TBC1D8: variants seen among roughly 807,000 people sequenced by gnomAD.
The protein encoded by TBC1D8 is TBC1 domain family member 8.
A neutral mutation model predicts 118.8 loss-of-function variants in TBC1D8; 65 were observed. The observed-to-expected ratio is 0.55, with a 90% CI of 0.45 to 0.67. The LOEUF (loss-of-function observed/expected upper bound fraction) is 0.67. Among genes scored for constraint, TBC1D8 ranks in the 30% least tolerant of loss-of-function variants. The pLI is 0.00. For synonymous variants in TBC1D8, 566 were observed against 595.8 expected, an observed-to-expected ratio of 0.95 and a Z score of 0.73; for missense variants, 1,376 against 1,471.2, an observed-to-expected ratio of 0.94 and a Z score of 1.06.
chr2:101,134,195 TCTCACACACACA>T (rs61306846), intron 1 of TBC1D8, among the ~76,000 whole-genome samples: 4,356 of 62,664 alleles, frequency 0.07, 181 homozygotes, highest in African/African-American at 0.17. Flanking sequence ...TCTCTCTCTC[TCTCACACACACA>T]CACACACACA....
chr2:101,008,595 A>G (rs1323873540), intron 19 of TBC1D8, among the ~76,000 whole-genome samples: 2 of 152,104 alleles, frequency 1.3e-5, no homozygotes, highest in East Asian at 3.9e-4. Flanking sequence ...CAGGCGGATC[A>G]CCTGAGGTTG....
At chr2:101,128,156 G>A (rs886948371) in intron 1 of TBC1D8, among the ~76,000 whole-genome samples, 1 of 152,164 alleles carries the variant, frequency 6.6e-6, no homozygotes, top group African/African-American at 2.4e-5. Flanking sequence ...AGATGTAACT[G>A]AGAACATGTT....
chr2:101,008,739 G>A (rs1289477570), intron 19 of TBC1D8, among the ~76,000 whole-genome samples: 1 of 151,914 alleles, frequency 6.6e-6, no homozygotes, highest in Non-Finnish European at 1.5e-5. Flanking sequence ...TTAAACCCAG[G>A]AGGCAAAGGT....
At chr2:101,090,446 T>C (rs975079836) in intron 1 of TBC1D8, 82 bp from the exon 2 acceptor site, 1 of 1,462,472 alleles carries the variant, frequency 6.8e-7, no homozygotes, top group Non-Finnish European at 9.4e-7. Context: ...GTGGTCGCTG[T>C]CTGGACTCCA....
In TBC1D8 at chr2:101,040,275, C is replaced by G. The variant is rs760007379; in HGVS notation, c.983G>C (p.Arg328Pro). The G allele has an allele frequency of 6.2e-7, 1 of 1,614,018 alleles. No individual in the cohort carries two copies. The highest frequency in any genetic ancestry group is 8.5e-7 in the Non-Finnish European group (1 of 1,179,884). The change falls in exon 6 of 20, where the codon CGC becomes CCC. Residue 328 changes from arginine to proline, a missense_variant. Arg to Pro is a moderately radical substitution (Grantham distance 103). Coordinates refer to ENST00000409318, the MANE Select transcript of TBC1D8 (RefSeq NM_001330348.2). ...GAACATCCGCCCCGTGGTGTGACAG[C>G]GACTGAACGGCGTCCAGAGCGAACA... is the stretch of plus-strand genomic sequence containing the variant. ...VDCSLWTPFSRCHTTGRMFAS... is the reference protein window; with the variant it reads ...VDCSLWTPFSPCHTTGRMFAS...
chr2:101,053,262 C>G (rs1401738591), intron 4 of TBC1D8, among the ~76,000 whole-genome samples: 1 of 152,024 alleles, frequency 6.6e-6, no homozygotes, highest in Non-Finnish European at 1.5e-5. Context: ...GGAAGGTGGC[C>G]AAGGTTAGGT....
chr2:101,151,343 G>A lies in TBC1D8; in HGVS notation c.-90C>T. The A allele has an allele frequency of 9.3e-7, 1 of 1,071,600 alleles. No individual in the cohort carries two copies. Among genetic ancestry groups the A allele is most frequent in the South Asian group, 4.4e-5 (1 of 22,662 alleles). The allele number at this position is 1,071,600 out of a possible 1,614,324, so 66.4% of individuals were successfully genotyped here. A position where few individuals can be genotyped will look rare whatever the true frequency, so the allele number is the denominator to read the frequency against. The stretch of plus-strand genomic sequence containing the variant: ...CCGAGCCCGCTCGAGAGGCGACGGC[G>A]GCGCGCGGGGACCACAGCCCGGCCG... On this transcript the variant is annotated 5_prime_UTR_variant, in exon 1 of 20. Transcript: ENST00000409318.
At chr2:101,043,393 T>C (rs1017718561) in intron 5 of TBC1D8, among the ~76,000 whole-genome samples, 5 of 152,230 alleles carry the variant, frequency 3.3e-5, no homozygotes, top group Admixed American at 6.5e-5. Context: ...GTGCTGGCTA[T>C]GTTAGCTTTA....
At chr2:101,149,578 AG>A (rs1679463027) in intron 1 of TBC1D8, among the ~76,000 whole-genome samples, 2 of 152,200 alleles carry the variant, frequency 1.3e-5, no homozygotes, top group Non-Finnish European at 2.9e-5. Context: ...ACAAATCTTC[AG>A]GCCTTGTCCT....
chr2:101,149,068 G>C (rs1204181585), intron 1 of TBC1D8, among the ~76,000 whole-genome samples: 1 of 152,154 alleles, frequency 6.6e-6, no homozygotes, highest in East Asian at 1.9e-4. Context: ...GGCTGCACAT[G>C]TCATCCTTTT....
intron 1 of TBC1D8, among the ~76,000 whole-genome samples, chr2:101,133,394 T>C (rs1678686247): frequency 1.3e-5 from 2 of 152,120 alleles, no homozygotes; most frequent in African/African-American, 4.8e-5. Flanking sequence ...CCTCTCCCTC[T>C]CTCCTCTCTT....
At chr2:101,049,817 T>C (rs1472223294) in intron 5 of TBC1D8, among the ~76,000 whole-genome samples, 4 of 151,930 alleles carry the variant, frequency 2.6e-5, no homozygotes, top group Non-Finnish European at 5.9e-5. Context: ...ATTATGCAGC[T>C]GCCCATGCTA....
chr2:101,029,453 C>T (rs776520354), intron 12 of TBC1D8, 38 bp downstream of exon 12: 5 of 1,593,318 alleles, frequency 3.1e-6, no homozygotes, highest in Non-Finnish European at 4.3e-6. Flanking sequence ...GCTGCCTCCT[C>T]CATCTCTGGT....
At chr2:101,033,332 C>G in intron 10 of TBC1D8, 1 of 665,404 alleles carries the variant, frequency 1.5e-6, no homozygotes, top group East Asian at 2.9e-5. Flanking sequence ...CCAGGATGGT[C>G]TCGATCTCCT....
rs377378343 is a variant in TBC1D8, at chr2:101,007,891, T to C, written c.3398A>G (p.Asn1133Ser). Residue 1133 changes from asparagine to serine, a missense_variant, in exon 20 of 20, where the codon AAT becomes AGT. Asn to Ser is a conservative substitution (Grantham distance 46, BLOSUM62 1). Coordinates refer to ENST00000409318, the MANE Select transcript of TBC1D8 (RefSeq NM_001330348.2). Reference protein sequence around the residue: ...MKSKLENAKINQYNLKTFEMS... With the variant: ...MKSKLENAKISQYNLKTFEMS... Reference sequence around the variant, plus strand: ...TTCAAAAGTTTTGAGATTGTACTGATTGATCTTGGCATTTTCAAGTTTGGA... The same window carrying C: ...TTCAAAAGTTTTGAGATTGTACTGACTGATCTTGGCATTTTCAAGTTTGGA... 2.2e-5 allele frequency: 35 copies of C among 1,614,042 alleles called. No homozygotes were observed. Among genetic ancestry groups the C allele is most frequent in the South Asian group, 7.7e-5 (7 of 91,086 alleles).
chr2:101,101,172 G>A (rs1398154011), intron 1 of TBC1D8, among the ~76,000 whole-genome samples: 2 of 151,976 alleles, frequency 1.3e-5, no homozygotes, highest in Non-Finnish European at 2.9e-5. Context: ...ATATCCAGAA[G>A]TTACAAGGAA....
intron 5 of TBC1D8, among the ~76,000 whole-genome samples, chr2:101,042,384 A>G (rs887951620): frequency 1.3e-5 from 2 of 152,236 alleles, no homozygotes; most frequent in African/African-American, 4.8e-5. Flanking sequence ...CCTTATAAAT[A>G]TAAGGATGAA....
At chr2:101,112,152 G>A (rs1167888102) in intron 1 of TBC1D8, among the ~76,000 whole-genome samples, 5 of 152,068 alleles carry the variant, frequency 3.3e-5, no homozygotes, top group Admixed American at 2.6e-4. Context: ...CAGACCAAAC[G>A]TAGGGGTCCT....
chr2:101,131,314 A>T (rs891295533), intron 1 of TBC1D8, among the ~76,000 whole-genome samples: 1 of 151,720 alleles, frequency 6.6e-6, no homozygotes, highest in Admixed American at 6.6e-5. Context: ...GGAGTTTGTG[A>T]CCAGCCTGAC....
Sources: allele counts gnomAD v4.1 joint callset (sites outside exome capture counted in the v4.1 genomes callset), GRCh38; gene constraint gnomAD v4.1.1; transcripts MANE v1.5; gene names NCBI Gene and HGNC (gene_info 2026-07-23, HGNC 2026-07-21).